GNA12: variants seen among roughly 807,000 people sequenced by gnomAD.
GNA12 encodes G protein subunit alpha 12.
In GNA12, 9 loss-of-function variants were observed where a neutral mutation model predicts 26.0. The ratio of observed to expected loss-of-function variants is 0.35; its 90% CI spans 0.21 to 0.60. The LOEUF is 0.60. Ranked by LOEUF, GNA12 falls within the 20% of genes least tolerant of loss-of-function variation. The probability of loss-of-function intolerance (pLI) is 0.78; values close to 1 mark genes in which losing one functional copy is unlikely to be tolerated. For missense variants in GNA12, 405 were observed against 525.8 expected (o/e 0.77, Z 2.25); for synonymous variants, 264 against 219.6 (o/e 1.20, Z -1.79).
chr7:2,775,870 C>A (rs1792063950), intron 2 of GNA12, among the ~76,000 whole-genome samples: 1 of 152,206 alleles, frequency 6.6e-6, no homozygotes, highest in Admixed American at 6.5e-5. Context: ...GGACAGGTTA[C>A]CCAGGGGCAC....
At chr7:2,756,864 G>A (rs1791323016) in intron 2 of GNA12, among the ~76,000 whole-genome samples, 2 of 152,002 alleles carry the variant, frequency 1.3e-5, no homozygotes, top group Admixed American at 1.3e-4. Context: ...CTTGAGCCCA[G>A]GCCATTTGAG....
intron 2 of GNA12, among the ~76,000 whole-genome samples, chr7:2,747,779 C>T (rs996896731): frequency 4.6e-5 from 7 of 152,180 alleles, no homozygotes; most frequent in African/African-American, 1.7e-4. Flanking sequence ...AAAACCCCAT[C>T]ATCTCAGCCC....
chr7:2,738,338 A>G (rs562679277), intron 2 of GNA12, among the ~76,000 whole-genome samples: 46 of 152,180 alleles, frequency 3.0e-4, no homozygotes, highest in Non-Finnish European at 5.9e-4. Flanking sequence ...AAAGTGACGC[A>G]GGCACAAGCT....
In GNA12 at chr7:2,759,543, C is replaced by T. The variant is rs188032194; in HGVS notation, c.526-26042G>A. 8.5e-5 allele frequency among the ~76,000 whole-genome samples: 13 copies of T among 152,308 alleles called. No individual in the cohort carries two copies. The East Asian group carries it at 2.5e-3, about 29-fold the overall frequency. ...AAGTAAAAGGAAAGGAATAATTAGC[C>T]AAATACTAGAATAGTGGTGACGCTG... On this transcript the variant is annotated intron_variant, in intron 2 of 3. Coordinates refer to ENST00000275364, the MANE Select transcript of GNA12 (RefSeq NM_007353.3).
intron 2 of GNA12, among the ~76,000 whole-genome samples, chr7:2,788,267 C>G (rs79932907): frequency 0.11 from 16,397 of 152,266 alleles, 1,023 homozygotes; most frequent in Middle Eastern, 0.19. Flanking sequence ...AGCTCCTCCC[C>G]GGGACAGTTT....
chr7:2,820,545 A>T (rs1020188048), intron 1 of GNA12, among the ~76,000 whole-genome samples: 2 of 152,094 alleles, frequency 1.3e-5, no homozygotes, highest in African/African-American at 2.4e-5. Flanking sequence ...AATAAAAAAT[A>T]AAATTAAAAA....
chr7:2,790,788 G>A (rs1312952725), intron 2 of GNA12, among the ~76,000 whole-genome samples: 1 of 152,162 alleles, frequency 6.6e-6, no homozygotes, highest in East Asian at 1.9e-4. Context: ...GGGCAACATA[G>A]TAAGACCTCA....
At chr7:2,811,170 G>C (rs1292950584) in intron 1 of GNA12, among the ~76,000 whole-genome samples, 1 of 152,172 alleles carries the variant, frequency 6.6e-6, no homozygotes, top group Non-Finnish European at 1.5e-5. Context: ...GTGCACACGT[G>C]GGCTCCAGGC....
chr7:2,770,038 T>C (rs914030503), intron 2 of GNA12, among the ~76,000 whole-genome samples: 2 of 152,190 alleles, frequency 1.3e-5, no homozygotes, highest in African/African-American at 4.8e-5. Flanking sequence ...TAGATCATAG[T>C]GACATGCAGA....
intron 2 of GNA12, among the ~76,000 whole-genome samples, chr7:2,793,230 C>G (rs983957523): frequency 1.3e-5 from 2 of 152,034 alleles, no homozygotes; most frequent in Non-Finnish European, 2.9e-5. Flanking sequence ...ACCAAGGGGA[C>G]ACAATGACTA....
intron 2 of GNA12, among the ~76,000 whole-genome samples, chr7:2,761,185 G>C (rs1343637186): frequency 6.6e-6 from 1 of 152,138 alleles, no homozygotes; most frequent in African/African-American, 2.4e-5. Context: ...ACCGTGCACG[G>C]CACTGCGCAA....
intron 2 of GNA12, among the ~76,000 whole-genome samples, chr7:2,737,269 GTTTTGTTTTTT>G (rs1273794718): frequency 7.9e-5 from 3 of 38,112 alleles, no homozygotes; most frequent in South Asian, 1.6e-3. Context: ...TCACAGTTTT[GTTTTGTTTTTT>G]TTTTTTTTGT....
chr7:2,748,651 T>C lies in GNA12; in HGVS notation c.526-15150A>G, dbSNP rs1431171033. 2.6e-5 allele frequency among the ~76,000 whole-genome samples: 4 copies of C among 152,072 alleles called. No individual in the cohort carries two copies. In the South Asian group the frequency reaches 8.3e-4, roughly 32 times the overall value. ...AAAGCAATGGCAACAAAAGCCAAAA[T>C]TGACAAATGGGATCTAATTAAACTA... On this transcript the variant is annotated intron_variant, in intron 2 of 3. Transcript: ENST00000275364.
chr7:2,778,602 T>A (rs1792137631), intron 2 of GNA12, among the ~76,000 whole-genome samples: 1 of 152,118 alleles, frequency 6.6e-6, no homozygotes, highest in Non-Finnish European at 1.5e-5. Context: ...TGGAAGAAAA[T>A]CGTTCCTCCT....
chr7:2,833,600 C>T (rs1182182), intron 1 of GNA12, among the ~76,000 whole-genome samples: 42,441 of 152,076 alleles, frequency 0.28, 6,137 homozygotes, highest in Non-Finnish European at 0.29. Context: ...TCTCTCTGGA[C>T]TTAGTTAGCT....
At chr7:2,824,978 C>G (rs537997847) in intron 1 of GNA12, among the ~76,000 whole-genome samples, 1 of 152,102 alleles carries the variant, frequency 6.6e-6, no homozygotes, top group African/African-American at 2.4e-5. Context: ...CCTCAGGCCC[C>G]GTGAGGGTGA....
intron 1 of GNA12, among the ~76,000 whole-genome samples, chr7:2,838,974 CA>C (rs1262679735): frequency 6.6e-6 from 1 of 152,168 alleles, no homozygotes; most frequent in Non-Finnish European, 1.5e-5. Flanking sequence ...AACTACTGAA[CA>C]ATCAGCAAGC....
chr7:2,824,767 C>A (rs931198472), intron 1 of GNA12, among the ~76,000 whole-genome samples: 7 of 152,160 alleles, frequency 4.6e-5, no homozygotes, highest in African/African-American at 1.7e-4. Context: ...TTTAACAATG[C>A]AAATCAAACC....
At chr7:2,828,631 C>T (rs1396804497) in intron 1 of GNA12, among the ~76,000 whole-genome samples, 4 of 152,188 alleles carry the variant, frequency 2.6e-5, no homozygotes, top group Admixed American at 2.0e-4. Flanking sequence ...CCTTAGGACG[C>T]TACGTTAAAA....
Sources: gnomAD v4.1 joint callset for allele counts (sites outside exome capture counted in the v4.1 genomes callset) on GRCh38, gnomAD v4.1.1 for gene constraint, MANE v1.5 for transcripts, NCBI Gene and HGNC (gene_info 2026-07-23, HGNC 2026-07-21) for gene names.